Variants in BLOC1S2 observed in about 807,000 individuals in gnomAD.
BLOC1S2 encodes the protein biogenesis of lysosome-related organelles complex 1 subunit 2.
BLOC1S2 carries 12 observed loss-of-function variants against 19.6 expected under a neutral mutation model. That is an observed-to-expected ratio of 0.61 (90% confidence interval 0.39 to 0.99). The LOEUF (loss-of-function observed/expected upper bound fraction) is 0.99, where lower values mean the gene tolerates loss of function less well. Among genes scored for constraint, BLOC1S2 ranks in the 50% least tolerant of loss-of-function variants. The pLI, the probability that BLOC1S2 is intolerant of heterozygous loss-of-function variation, is 0.00. For missense variants in BLOC1S2, 142 were observed against 171.0 expected (o/e 0.83, Z 0.95); for synonymous variants, 66 against 64.1 (o/e 1.03, Z -0.14).
chr10:100,285,234 ACTTT>A (rs1405351353), intron 2 of BLOC1S2, among the ~76,000 whole-genome samples: 8 of 152,040 alleles, frequency 5.3e-5, no homozygotes, highest in Non-Finnish European at 1.2e-4. Flanking sequence ...ACCAGACTTC[ACTTT>A]CTTTCTTTTT....
At chr10:100,277,487 T>G (rs1198826853) in intron 4 of BLOC1S2, among the ~76,000 whole-genome samples, 2 of 47,296 alleles carry the variant, frequency 4.2e-5, no homozygotes, top group Non-Finnish European at 8.2e-5. Context: ...CGGCCAGCCG[T>G]CCCGTCCGGG....
chr10:100,286,625 C>G lies in BLOC1S2; in HGVS notation c.35G>C (p.Arg12Pro), dbSNP rs745888066. The G allele has an allele frequency of 6.2e-7, 1 of 1,612,344 alleles. No homozygotes were observed. Among genetic ancestry groups the G allele is most frequent in the African/African-American group, 1.3e-5 (1 of 74,906 alleles). Residue 12 changes from arginine to proline, a missense_variant, in exon 1 of 5, where the codon CGG becomes CCG. Coordinates refer to ENST00000370372, the MANE Select transcript of BLOC1S2 (RefSeq NM_173809.5). The stretch of plus-strand genomic sequence containing the variant: ...GGTACCTCGGGCGGGCTCATCACTC[C>G]GGGTCGCCAGTACGCCCTCGGCTGC... ...AAAAEGVLATRSDEPARDDAA... is the reference protein window; with the variant it reads ...AAAAEGVLATPSDEPARDDAA...
In BLOC1S2 at chr10:100,276,304, A is replaced by ATCTCCCTCTCCCATCTCCC. The variant is rs1199292670; in HGVS notation, c.398-812_398-811insGGGAGATGGGAGAGGGAGA. On this transcript the variant is annotated intron_variant, in intron 4 of 4. Transcript: ENST00000370372. ...CAAACTCAGGCCCGTCTCCCTCTCC[A>ATCTCCCTCTCCCATCTCCC]TCTCCCTCTCCCGTCTCCCTCTCTC... Among the ~76,000 whole-genome samples the ATCTCCCTCTCCCATCTCCC allele has an allele frequency of 1.3e-4, 13 of 98,008 alleles. 3 individuals carry two copies. The East Asian group carries it at 2.0e-3, about 15-fold the overall frequency. 64.3% of individuals were successfully genotyped at this position (98,008 alleles called of 152,430 possible).
chr10:100,276,444 CG>C (rs1416439786), intron 4 of BLOC1S2, among the ~76,000 whole-genome samples: 4 of 8,532 alleles, frequency 4.7e-4, no homozygotes, highest in Non-Finnish European at 1.0e-3. Context: ...CTCCCTCTCC[CG>C]TCTCCCTCTC....
chr10:100,275,025 A>G lies in BLOC1S2; in HGVS notation c.*437T>C, dbSNP rs968692461. Reference sequence around the variant, plus strand: ...ACAAGTTTGTTTTGTTTTCCTTTTTAAATTTAGAATCTTGTTTACAACACA... The same window carrying G: ...ACAAGTTTGTTTTGTTTTCCTTTTTGAATTTAGAATCTTGTTTACAACACA... On this transcript the variant is annotated 3_prime_UTR_variant, in exon 5 of 5. Transcript: ENST00000370372. The G allele has an allele frequency of 2.5e-5, 10 of 399,024 alleles. No homozygotes were observed. The Admixed American group carries it at 4.4e-4, about 18-fold the overall frequency. 24.7% of individuals were successfully genotyped at this position (399,024 alleles called of 1,614,324 possible).
intron 4 of BLOC1S2, among the ~76,000 whole-genome samples, chr10:100,276,599 C>CT: frequency 6.6e-6 from 1 of 151,128 alleles, no homozygotes. Flanking sequence ...TGCAGCCTCC[C>CT]TGCCTGATTC....
chr10:100,279,378 T>G (rs1225973301), intron 4 of BLOC1S2, among the ~76,000 whole-genome samples: 28 of 152,216 alleles, frequency 1.8e-4, no homozygotes, highest in Admixed American at 1.8e-3. Context: ...ACTGGCTTAG[T>G]GTCCTTAAGC....
chr10:100,284,740 C>T (rs930587538), intron 2 of BLOC1S2, among the ~76,000 whole-genome samples: 11 of 152,090 alleles, frequency 7.2e-5, no homozygotes, highest in South Asian at 2.1e-4. Flanking sequence ...ATCCACCTGC[C>T]TAGGCCTCCC....
At chr10:100,278,127 CT>C (rs1847985184) in intron 4 of BLOC1S2, among the ~76,000 whole-genome samples, 1 of 141,952 alleles carries the variant, frequency 7.0e-6, no homozygotes, top group Non-Finnish European at 1.5e-5. Flanking sequence ...TCAGCGCCCC[CT>C]CCCGGCCAGC....
Position 100,286,119 on chromosome 10 carries a change from A to G in BLOC1S2, c.150T>C (p.Thr50=). The G allele has an allele frequency of 6.2e-7, 1 of 1,614,028 alleles. No individual in the cohort carries two copies. Among genetic ancestry groups the G allele is most frequent in the Non-Finnish European group, 8.5e-7 (1 of 1,179,976 alleles). ...LCRDMFSKMA[T]YLTGELTATS... ...CACCCGTCAGTTCCCCAGTCAGGTA[A>G]GTGGCCATTTTGGAGAACATGTCCC... is the stretch of plus-strand genomic sequence containing the variant. The change falls in exon 2 of 5, where the codon ACT becomes ACC. Residue 50 remains threonine (T), a synonymous_variant. Transcript: ENST00000370372.
In BLOC1S2 at chr10:100,273,646, C is replaced by G. The variant is rs1847778859; in HGVS notation, c.*1816G>C. The G allele has an allele frequency of 1.3e-5, 2 of 151,752 alleles. No individual in the cohort carries two copies. The highest frequency in any genetic ancestry group is 4.8e-5 in the African/African-American group (2 of 41,296). 9.4% of individuals were successfully genotyped at this position (151,752 alleles called of 1,614,324 possible). ...GGTCAGGAGTTCGAGACCAGCCTGG[C>G]CAACATGGTGAAACCCCGTCTCTAC... is the stretch of plus-strand genomic sequence containing the variant. On this transcript the variant is annotated 3_prime_UTR_variant, in exon 5 of 5. Coordinates refer to ENST00000370372, the MANE Select transcript of BLOC1S2 (RefSeq NM_173809.5).
intron 4 of BLOC1S2, among the ~76,000 whole-genome samples, chr10:100,278,024 C>A (rs1241891010): frequency 7.4e-6 from 1 of 134,536 alleles, no homozygotes; most frequent in Non-Finnish European, 1.6e-5. Context: ...AATCAGCCCC[C>A]CGCCCGGCCA....
chr10:100,286,214 C>T lies in BLOC1S2; in HGVS notation c.56-1G>A. 6.2e-7 allele frequency: 1 copy of T among 1,613,840 alleles called. No individual in the cohort carries two copies. Among genetic ancestry groups the T allele is most frequent in the Non-Finnish European group, 8.5e-7 (1 of 1,179,854 alleles). On this transcript the variant is annotated splice_acceptor_variant, in intron 1 of 4. Transcript: ENST00000370372. LOFTEE classifies it high-confidence loss of function. ...TCAGCTGTCTCCACGGCGGCATCGTCTGGGCCAAGGGAGAATGACTAAGTG... is the reference window on the plus strand; with the variant it reads ...TCAGCTGTCTCCACGGCGGCATCGTTTGGGCCAAGGGAGAATGACTAAGTG...
chr10:100,278,804 A>C (rs1454160313), intron 4 of BLOC1S2, among the ~76,000 whole-genome samples: 1 of 125,814 alleles, frequency 7.9e-6, no homozygotes, highest in Non-Finnish European at 1.8e-5. Flanking sequence ...CCCAAGAATG[A>C]TCAATAAAAA....
chr10:100,283,034 C>A, intron 2 of BLOC1S2: 1 of 398,154 alleles, frequency 2.5e-6, no homozygotes, highest in South Asian at 1.3e-4. Context: ...ATGTACAAGT[C>A]ACCTGAGTTC....
Position 100,276,075 on chromosome 10 carries a change from C to T in BLOC1S2, c.398-582G>A, listed in dbSNP as rs145870068. On this transcript the variant is annotated intron_variant, in intron 4 of 4. Transcript: ENST00000370372. ...CAAATGGTTACTGTGAACCAAGATA[C>T]TTTCTACATGGTAAGGTTACCCCTG... Among the ~76,000 whole-genome samples the T allele has an allele frequency of 2.2e-3, 338 of 152,264 alleles. 3 individuals are homozygous for T. Among genetic ancestry groups the T allele is most frequent in the African/African-American group, 7.7e-3 (319 of 41,564 alleles).
chr10:100,286,520 G>A lies in BLOC1S2; in HGVS notation c.55+85C>T, dbSNP rs1848246883. The A allele has an allele frequency of 3.8e-6, 6 of 1,570,848 alleles. No homozygotes were observed. The East Asian group carries it at 7.0e-5, about 18-fold the overall frequency. On this transcript the variant is annotated intron_variant, in intron 1 of 4. Coordinates refer to ENST00000370372, the MANE Select transcript of BLOC1S2 (RefSeq NM_173809.5). ...TCTCACCAGCCCGTTCCTGCCAGGT[G>A]AGCCACCACACACTCAACCTCGCCC... is the stretch of plus-strand genomic sequence containing the variant.
intron 4 of BLOC1S2, among the ~76,000 whole-genome samples, chr10:100,278,275 G>A (rs1331725325): frequency 4.0e-5 from 6 of 151,834 alleles, no homozygotes; most frequent in East Asian, 1.9e-4. Flanking sequence ...CTGCCCGGCC[G>A]CCCCTACTGG....
chr10:100,286,137 C>T lies in BLOC1S2; in HGVS notation c.132G>A (p.Met44Ile). The T allele has an allele frequency of 6.2e-7, 1 of 1,614,146 alleles. No homozygotes were observed. Among genetic ancestry groups the T allele is most frequent in the Non-Finnish European group, 8.5e-7 (1 of 1,180,012 alleles). ...TCAGGTAAGTGGCCATTTTGGAGAA[C>T]ATGTCCCGGCAGAGCTCAGTGATGT... ...EADITELCRD[M>I]FSKMATYLTG... Residue 44 changes from methionine to isoleucine, a missense_variant, in exon 2 of 5, where the codon ATG (methionine) becomes ATA (isoleucine). By Grantham distance (10) the Met-to-Ile change is conservative. This residue lies in a region of BLOC1S2 where 94 missense variants were observed against 141.3 expected (regional missense o/e 0.67). Coordinates refer to ENST00000370372, the MANE Select transcript of BLOC1S2 (RefSeq NM_173809.5).
Sources: allele counts gnomAD v4.1 joint callset (sites outside exome capture counted in the v4.1 genomes callset), GRCh38; gene constraint gnomAD v4.1.1; regional missense constraint gnomAD v4.1.1; transcripts MANE v1.5; gene names NCBI Gene and HGNC (gene_info 2026-07-23, HGNC 2026-07-21).